Variants in TP63 observed in about 807,000 individuals in gnomAD.
TP63 encodes the protein tumor protein 63.
In TP63, 17 loss-of-function variants were observed where a neutral mutation model predicts 82.8. The observed-to-expected ratio is 0.21, with a 90% confidence interval of 0.14 to 0.31. The LOEUF (loss-of-function observed/expected upper bound fraction) is 0.31, where lower values mean the gene tolerates loss of function less well. TP63 is among the 10% of genes least tolerant of loss of function. TP63 has a pLI of 1.00. For missense variants in TP63, 648 were observed against 895.3 expected (o/e 0.72, Z 3.52); for synonymous variants, 330 against 321.7 (o/e 1.03, Z -0.28).
At chr3:189,784,449 T>C (rs1397422469) in intron 3 of TP63, among the ~76,000 whole-genome samples, 1 of 152,098 alleles carries the variant, frequency 6.6e-6, no homozygotes, top group African/African-American at 2.4e-5. Flanking sequence ...TCAATTCCAA[T>C]GTTTAATATC....
chr3:189,869,460 G>T, intron 9 of TP63, 54 bp downstream of exon 9: 1 of 1,459,528 alleles, frequency 6.9e-7, no homozygotes, highest in Non-Finnish European at 9.6e-7. Context: ...CTTTGAATGG[G>T]CTTTTACAGT....
At chr3:189,814,120 C>G (rs138192489) in intron 4 of TP63, among the ~76,000 whole-genome samples, 2 of 152,200 alleles carry the variant, frequency 1.3e-5, no homozygotes. Context: ...GGCTGAGATG[C>G]GCGCCTGCGG....
intron 13 of TP63, among the ~76,000 whole-genome samples, chr3:189,893,544 A>T (rs1721231992): frequency 6.6e-6 from 1 of 152,230 alleles, no homozygotes; most frequent in African/African-American, 2.4e-5. Context: ...ACATAGACAC[A>T]GTTGCTCTGC....
intron 1 of TP63, among the ~76,000 whole-genome samples, 156 bp from the exon 2 acceptor site, chr3:189,737,584 A>C: frequency 6.6e-6 from 1 of 152,164 alleles, no homozygotes; most frequent in East Asian, 1.9e-4. Flanking sequence ...TACCTGAAGA[A>C]ATGCCAATTG....
At chr3:189,666,875 A>G (rs1714432211) in intron 1 of TP63, among the ~76,000 whole-genome samples, 1 of 145,324 alleles carries the variant, frequency 6.9e-6, no homozygotes, top group Non-Finnish European at 1.5e-5. Context: ...ATGGGTTTAC[A>G]TGCATTTACA....
chr3:189,889,270 A>G, intron 11 of TP63, 70 bp from the exon 12 acceptor site: 1 of 1,610,440 alleles, frequency 6.2e-7, no homozygotes, highest in Non-Finnish European at 8.5e-7. Flanking sequence ...TAACCAGACA[A>G]GATGGACCAC....
chr3:189,607,443 G>A, the TP63 span, among the ~76,000 whole-genome samples: 2 of 151,902 alleles, frequency 1.3e-5, no homozygotes, highest in African/African-American at 4.8e-5. Flanking sequence ...AATAGAAAAA[G>A]GTTATTTGTG....
At chr3:189,770,674 T>G (rs1723272967) in intron 3 of TP63, among the ~76,000 whole-genome samples, 1 of 152,200 alleles carries the variant, frequency 6.6e-6, no homozygotes, top group Non-Finnish European at 1.5e-5. Context: ...TAGAAGGCTG[T>G]CCCTTCTTTT....
chr3:189,737,733 T>C lies in TP63; in HGVS notation c.63-7T>C, dbSNP rs776743410. ...TATAATACTAGTTTCATTTTTGTCCTTTTAAGTTTCGTAGAAACCCCAGCT... is the reference window on the plus strand; with the variant it reads ...TATAATACTAGTTTCATTTTTGTCCCTTTAAGTTTCGTAGAAACCCCAGCT... On this transcript the variant is annotated splice_polypyrimidine_tract_variant and splice_region_variant and intron_variant, in intron 1 of 13. Coordinates refer to ENST00000264731, the MANE Select transcript of TP63 (RefSeq NM_003722.5). The C allele has an allele frequency of 1.2e-6, 2 of 1,613,600 alleles. No homozygotes were observed. Among genetic ancestry groups the C allele is most frequent in the Non-Finnish European group, 1.7e-6 (2 of 1,179,680 alleles).
At chr3:189,620,347 AC>A in the TP63 span, among the ~76,000 whole-genome samples, 4 of 152,054 alleles carry the variant, frequency 2.6e-5, no homozygotes, top group Admixed American at 2.6e-4. Flanking sequence ...ACATGGTGAA[AC>A]CCCATCTCTA....
At chr3:189,794,504 A>T (rs1725491361) in intron 3 of TP63, among the ~76,000 whole-genome samples, 1 of 151,848 alleles carries the variant, frequency 6.6e-6, no homozygotes. Flanking sequence ...AGGAATGAGG[A>T]TTTTAGGTGA....
intron 1 of TP63, among the ~76,000 whole-genome samples, chr3:189,640,646 T>C (rs1174688397): frequency 6.6e-6 from 1 of 152,174 alleles, no homozygotes; most frequent in African/African-American, 2.4e-5. Flanking sequence ...TGTTCCTACA[T>C]AAAATGTACA....
At chr3:189,831,657 C>A (rs1421097677) in intron 4 of TP63, among the ~76,000 whole-genome samples, 1 of 151,210 alleles carries the variant, frequency 6.6e-6, no homozygotes, top group Non-Finnish European at 1.5e-5. Context: ...CATTCTGCAC[C>A]GTTTGAGCTC....
In TP63 at chr3:189,708,791, G is replaced by A. The variant is rs370075397; in HGVS notation, c.63-28949G>A. On this transcript the variant is annotated intron_variant, in intron 1 of 13. Transcript: ENST00000264731. Reference sequence around the variant, plus strand: ...TAAACTGCTAAAAAAAATAATATGCGAAGGAAGACTTTCATTTTTTATAAT... The same window carrying A: ...TAAACTGCTAAAAAAAATAATATGCAAAGGAAGACTTTCATTTTTTATAAT... Among the ~76,000 whole-genome samples, 10 of 152,046 alleles carry A rather than the reference G, an allele frequency of 6.6e-5. No homozygotes were observed. The East Asian group carries it at 7.7e-4, about 12-fold the overall frequency.
At chr3:189,815,646 C>T (rs1728105286) in intron 4 of TP63, among the ~76,000 whole-genome samples, 1 of 151,890 alleles carries the variant, frequency 6.6e-6, no homozygotes, top group Non-Finnish European at 1.5e-5. Flanking sequence ...ACACTACAGG[C>T]CAAACAAAAC....
the TP63 span, among the ~76,000 whole-genome samples, chr3:189,618,479 C>A: frequency 6.6e-6 from 1 of 152,296 alleles, no homozygotes; most frequent in African/African-American, 2.4e-5. Context: ...AGGTCAAGCC[C>A]CCTGGCTGTG....
At chr3:189,859,421 AT>A (rs1453160367) in intron 4 of TP63, among the ~76,000 whole-genome samples, 1 of 152,168 alleles carries the variant, frequency 6.6e-6, no homozygotes. Flanking sequence ...TTTTATTTTT[AT>A]TATATATAAA....
chr3:189,770,631 C>T (rs73889825), intron 3 of TP63, among the ~76,000 whole-genome samples: 4,541 of 152,034 alleles, frequency 0.03, 220 homozygotes, highest in African/African-American at 0.1. Context: ...CAACAATTTA[C>T]GCCTTTGGGG....
intron 1 of TP63, among the ~76,000 whole-genome samples, chr3:189,692,415 C>T (rs1387063400): frequency 4.7e-5 from 7 of 150,312 alleles, no homozygotes; most frequent in African/African-American, 1.7e-4. Flanking sequence ...TTTCTTCTTC[C>T]TCTCTTCTCC....
Sources: allele counts gnomAD v4.1 joint callset (sites outside exome capture counted in the v4.1 genomes callset), GRCh38; gene constraint gnomAD v4.1.1; transcripts MANE v1.5; gene names NCBI Gene and HGNC (gene_info 2026-07-23, HGNC 2026-07-21).